GPC6: variants seen among roughly 807,000 people sequenced by gnomAD.
GPC6 encodes the protein glypican-6.
Under a neutral mutation model 55.2 loss-of-function variants are expected in GPC6, and 14 were observed. The observed-to-expected ratio is 0.25, with a 90% CI of 0.17 to 0.40. The LOEUF (loss-of-function observed/expected upper bound fraction) is 0.40, where lower values mean the gene tolerates loss of function less well. GPC6 is among the 10% of genes least tolerant of loss of function. GPC6 has a pLI of 1.00. For synonymous variants in GPC6, 278 were observed against 259.6 expected, an observed-to-expected ratio of 1.07 and a Z score of -0.68; for missense variants, 641 against 708.5, an observed-to-expected ratio of 0.90 and a Z score of 1.08.
At chr13:93,472,367 G>C (rs1341447912) in intron 1 of GPC6, among the ~76,000 whole-genome samples, 1 of 152,160 alleles carries the variant, frequency 6.6e-6, no homozygotes, top group Non-Finnish European at 1.5e-5. Context: ...CTCCAAGGGA[G>C]ACTGTAAGTC....
intron 4 of GPC6, among the ~76,000 whole-genome samples, chr13:94,190,520 C>T (rs1889356742): frequency 1.3e-5 from 2 of 152,122 alleles, no homozygotes; most frequent in Non-Finnish European, 2.9e-5. Flanking sequence ...TTGAGGGACA[C>T]TGAGGACACA....
intron 4 of GPC6, among the ~76,000 whole-genome samples, chr13:94,163,302 G>A (rs994713942): frequency 6.6e-6 from 1 of 150,884 alleles, no homozygotes; most frequent in Non-Finnish European, 1.5e-5. Context: ...GTGCTGGCCA[G>A]TTTTGTTTCA....
Position 93,849,803 on chromosome 13 carries a change from C to T in GPC6, c.711+19258C>T, listed in dbSNP as rs144400664. 2.4e-3 allele frequency among the ~76,000 whole-genome samples: 361 copies of T among 152,144 alleles called. 2 individuals carry two copies. The highest frequency in any genetic ancestry group is 4.2e-3 in the Non-Finnish European group (286 of 67,978). On this transcript the variant is annotated intron_variant, in intron 3 of 8. Transcript: ENST00000377047. ...ATAGTCTTCACACGTGAACATTGTA[C>T]ATTTCCCTAGGTGTGGGTAAACAGA...
At chr13:94,379,499 T>A (rs148231963) in intron 6 of GPC6, among the ~76,000 whole-genome samples, 47 of 152,260 alleles carry the variant, frequency 3.1e-4, no homozygotes, top group African/African-American at 1.1e-3. Flanking sequence ...CGCGACGGGC[T>A]CCTCACTTAG....
At chr13:93,717,790 G>A (rs1232372384) in intron 2 of GPC6, among the ~76,000 whole-genome samples, 1 of 151,494 alleles carries the variant, frequency 6.6e-6, no homozygotes, top group Non-Finnish European at 1.5e-5. Flanking sequence ...ACCTTGGTGT[G>A]TGATGTTCTC....
At chr13:93,845,782 A>G (rs575187530) in intron 3 of GPC6, among the ~76,000 whole-genome samples, 61 of 145,230 alleles carry the variant, frequency 4.2e-4, no homozygotes, top group African/African-American at 1.5e-3. Context: ...GAATTGAACA[A>G]TGAGATCACG....
intron 4 of GPC6, among the ~76,000 whole-genome samples, chr13:94,250,931 C>T (rs762191033): frequency 1.3e-5 from 2 of 151,888 alleles, no homozygotes; most frequent in African/African-American, 2.4e-5. Flanking sequence ...AAGGGATTTT[C>T]GACATTGATG....
chr13:93,957,800 C>G (rs1001918528), intron 3 of GPC6, among the ~76,000 whole-genome samples: 3 of 152,312 alleles, frequency 2.0e-5, no homozygotes, highest in Middle Eastern at 6.8e-3. Flanking sequence ...AATCTCCAAA[C>G]TGCTTTCCAC....
At chr13:93,719,215 G>A (rs528425090) in intron 2 of GPC6, among the ~76,000 whole-genome samples, 1 of 152,186 alleles carries the variant, frequency 6.6e-6, no homozygotes, top group African/African-American at 2.4e-5. Context: ...CTATCCATGA[G>A]CATGGAATGT....
intron 1 of GPC6, among the ~76,000 whole-genome samples, chr13:93,456,528 T>G (rs1878459221): frequency 6.6e-6 from 1 of 151,874 alleles, no homozygotes; most frequent in Non-Finnish European, 1.5e-5. Context: ...AAACAATAGA[T>G]AGTTGTATTA....
At chr13:93,958,249 T>C (rs752303229) in intron 3 of GPC6, among the ~76,000 whole-genome samples, 1 of 152,208 alleles carries the variant, frequency 6.6e-6, no homozygotes, top group Non-Finnish European at 1.5e-5. Flanking sequence ...TTTGTTTTTG[T>C]TGCAATTGCT....
At chr13:94,354,386 T>C (rs2139172493) in intron 6 of GPC6, among the ~76,000 whole-genome samples, 1 of 150,300 alleles carries the variant, frequency 6.7e-6, no homozygotes, top group Non-Finnish European at 1.5e-5. Flanking sequence ...CCCAGGGGCA[T>C]CAAGATGTTT....
intron 2 of GPC6, among the ~76,000 whole-genome samples, chr13:93,791,521 T>C (rs1594460593): frequency 6.6e-6 from 1 of 152,194 alleles, no homozygotes; most frequent in South Asian, 2.1e-4. Flanking sequence ...AATCTTTATA[T>C]CTAAAAATAT....
At position 93,227,881 on chromosome 13, in the gene GPC6, C is replaced by T. The variant is rs1214731229; in HGVS notation, c.160+265C>T. On this transcript the variant is annotated intron_variant, in intron 1 of 8. Transcript: ENST00000377047. The surrounding 1 kb of genome is among the most constrained non-coding windows in gnomAD (Gnocchi z 4.3). ...TCCCGCTGCTCTCGCGCCCTTCTAC[C>T]CCTTAGTTGATGGCTCAGGCCCGGC... Among the ~76,000 whole-genome samples the T allele has an allele frequency of 6.6e-6, 1 of 152,158 alleles. No homozygotes were observed. Among genetic ancestry groups the T allele is most frequent in the Non-Finnish European group, 1.5e-5 (1 of 68,020 alleles).
chr13:93,789,608 T>TAATACTACATATATATATAATAATAC (rs3077838), intron 2 of GPC6, among the ~76,000 whole-genome samples: 1 of 33,070 alleles, frequency 3.0e-5, no homozygotes, highest in African/African-American at 1.5e-4. Flanking sequence ...CATATATATA[T>TAATACTACATATATATATAATAATAC]ATATATATAT....
intron 2 of GPC6, among the ~76,000 whole-genome samples, chr13:93,626,685 C>T (rs1442867706): frequency 6.6e-6 from 1 of 151,858 alleles, no homozygotes; most frequent in Non-Finnish European, 1.5e-5. Flanking sequence ...GCCTATAGGC[C>T]CAGCTACTTG....
chr13:94,344,560 G>C (rs1245918880), intron 6 of GPC6, among the ~76,000 whole-genome samples: 1 of 152,194 alleles, frequency 6.6e-6, no homozygotes, highest in Non-Finnish European at 1.5e-5. Context: ...GAAGCTTCAT[G>C]ACTGATAATT....
chr13:94,244,531 C>T (rs1231596243), intron 4 of GPC6, among the ~76,000 whole-genome samples: 1 of 152,042 alleles, frequency 6.6e-6, no homozygotes, highest in African/African-American at 2.4e-5. Flanking sequence ...GTAAAATTAC[C>T]TGTGATGTCT....
At chr13:93,856,700 G>C (rs1317713646) in intron 3 of GPC6, among the ~76,000 whole-genome samples, 3 of 151,580 alleles carry the variant, frequency 2.0e-5, no homozygotes, top group African/African-American at 7.3e-5. Context: ...ATTCTATGCA[G>C]ATGGAACTGT....
Sources: gnomAD v4.1 joint callset for allele counts (sites outside exome capture counted in the v4.1 genomes callset) on GRCh38, gnomAD v4.1.1 for gene constraint, Gnocchi (gnomAD v3.1) non-coding constraint, MANE v1.5 for transcripts, NCBI Gene and HGNC (gene_info 2026-07-23, HGNC 2026-07-21) for gene names.